The following DPYS variants were observed in gnomAD, a reference collection of about 807,000 sequenced individuals.
DPYS encodes the protein dihydropyrimidinase.
A neutral mutation model predicts 50.3 loss-of-function variants in DPYS; 39 were observed. That is an observed-to-expected ratio of 0.78 (90% CI 0.60 to 1.01). The LOEUF is 1.01. Among genes scored for constraint, DPYS ranks in the 50% least tolerant of loss-of-function variants. The pLI is 0.00. For missense variants in DPYS, 659 were observed against 680.9 expected (o/e 0.97, Z 0.36); for synonymous variants, 245 against 250.7 (o/e 0.98, Z 0.22).
rs563781627 is a variant in DPYS at position 104,443,740 on chromosome 8, A to T, written c.793+508T>A. Among the ~76,000 whole-genome samples, 12 of 152,290 alleles carry T rather than the reference A, an allele frequency of 7.9e-5. No homozygotes were observed. In the South Asian group the frequency reaches 2.5e-3, roughly 32 times the overall value. On this transcript the variant is annotated intron_variant, in intron 4 of 9. Transcript: ENST00000351513. The stretch of plus-strand genomic sequence containing the variant: ...AAACCCCGTCTCTACTAAAAATATA[A>T]AATTTAGCTGGGTGTGGTGGTGCTC...
chr8:104,449,710 T>C lies in DPYS; in HGVS notation c.423+1536A>G, dbSNP rs578010923. On this transcript the variant is annotated intron_variant, in intron 2 of 9. Transcript: ENST00000351513. Reference sequence around the variant, plus strand: ...CCACGGGGAGAACATCATATGAAGATGAAGGCAGAGATTGGGATGATGCTT... The same window carrying C: ...CCACGGGGAGAACATCATATGAAGACGAAGGCAGAGATTGGGATGATGCTT... Among the ~76,000 whole-genome samples the C allele has an allele frequency of 5.9e-5, 9 of 152,342 alleles. 1 individual carries two copies. The East Asian group carries it at 1.7e-3, about 29-fold the overall frequency.
intron 8 of DPYS, among the ~76,000 whole-genome samples, chr8:104,384,950 C>A (rs1042471901): frequency 6.6e-6 from 1 of 152,206 alleles, no homozygotes; most frequent in Non-Finnish European, 1.5e-5. Flanking sequence ...TTCTCCTCCA[C>A]CTCTGAAGGT....
intron 8 of DPYS, 25 bp from the exon 9 acceptor site, chr8:104,381,339 T>A (rs910743822): frequency 6.2e-7 from 1 of 1,605,678 alleles, no homozygotes; most frequent in African/African-American, 1.3e-5. Context: ...TTCATTTCTC[T>A]CTTGTGGTTT....
intron 2 of DPYS, among the ~76,000 whole-genome samples, chr8:104,449,182 TAACA>T (rs949814307): frequency 1.3e-5 from 2 of 152,172 alleles, no homozygotes; most frequent in African/African-American, 2.4e-5. Context: ...TTGTTCCCCC[TAACA>T]GTTTCTAATT....
At chr8:104,409,742 GC>G (rs1338193958) in intron 7 of DPYS, among the ~76,000 whole-genome samples, 4 of 152,046 alleles carry the variant, frequency 2.6e-5, no homozygotes, top group Non-Finnish European at 5.9e-5. Context: ...TCTACTATAT[GC>G]CAGGCACCAT....
At chr8:104,450,800 T>C (rs1329616868) in intron 2 of DPYS, among the ~76,000 whole-genome samples, 2 of 152,362 alleles carry the variant, frequency 1.3e-5, no homozygotes, top group African/African-American at 4.8e-5. Flanking sequence ...GGCAGGCTTC[T>C]AGTTCTAGAG....
intron 7 of DPYS, among the ~76,000 whole-genome samples, chr8:104,408,561 C>T (rs1054878591): frequency 5.3e-5 from 8 of 151,974 alleles, no homozygotes; most frequent in Non-Finnish European, 1.0e-4. Context: ...AAGATTGTAC[C>T]CTTTGAAACA....
chr8:104,443,388 A>G (rs1049496920), intron 4 of DPYS, among the ~76,000 whole-genome samples: 2 of 152,220 alleles, frequency 1.3e-5, no homozygotes, highest in Non-Finnish European at 2.9e-5. Flanking sequence ...TGGGGTAAAA[A>G]TAACTTAGAT....
At chr8:104,383,791 G>A (rs1244444990) in intron 8 of DPYS, among the ~76,000 whole-genome samples, 1 of 152,052 alleles carries the variant, frequency 6.6e-6, no homozygotes, top group Non-Finnish European at 1.5e-5. Context: ...TAGTAGAGAC[G>A]GGATTTCGCC....
At chr8:104,428,762 T>C (rs1317432957) in intron 5 of DPYS, among the ~76,000 whole-genome samples, 1 of 152,202 alleles carries the variant, frequency 6.6e-6, no homozygotes, top group Non-Finnish European at 1.5e-5. Flanking sequence ...TGAAAAACTC[T>C]TAGCTTGAGA....
intron 7 of DPYS, among the ~76,000 whole-genome samples, chr8:104,394,120 G>A (rs1811497365): frequency 6.6e-6 from 1 of 152,180 alleles, no homozygotes; most frequent in African/African-American, 2.4e-5. Context: ...TCTGGTAGAA[G>A]GTTCTACAAT....
At chr8:104,414,183 T>A (rs960278493) in intron 7 of DPYS, among the ~76,000 whole-genome samples, 8 of 152,140 alleles carry the variant, frequency 5.3e-5, no homozygotes, top group Non-Finnish European at 1.0e-4. Context: ...AAAAGGACTG[T>A]TTGGTTAGGT....
At chr8:104,424,476 C>A in intron 6 of DPYS, 87 bp from the exon 7 acceptor site, 1 of 1,376,048 alleles carries the variant, frequency 7.3e-7, no homozygotes, top group East Asian at 2.4e-5. Flanking sequence ...ATCTCTTAAA[C>A]AAACAGAACT....
intron 7 of DPYS, among the ~76,000 whole-genome samples, chr8:104,405,647 G>A (rs1588415156): frequency 1.3e-5 from 2 of 152,344 alleles, no homozygotes; most frequent in African/African-American, 4.8e-5. Context: ...AATCTAAAAG[G>A]TGTCTGCTTC....
At chr8:104,394,014 T>C (rs1811493793) in intron 7 of DPYS, among the ~76,000 whole-genome samples, 1 of 152,220 alleles carries the variant, frequency 6.6e-6, no homozygotes, top group Non-Finnish European at 1.5e-5. Context: ...TGCCTTTGCA[T>C]CCTCATAGCT....
At chr8:104,410,250 CCTCCGGCCAGA>C (rs1812130021) in intron 7 of DPYS, among the ~76,000 whole-genome samples, 1 of 152,200 alleles carries the variant, frequency 6.6e-6, no homozygotes, top group East Asian at 1.9e-4. Context: ...TGACTTATCC[CCTCCGGCCAGA>C]CTCCTACAAT....
chr8:104,455,752 C>T lies in DPYS; in HGVS notation c.265-4348G>A, dbSNP rs1242341594. Among the ~76,000 whole-genome samples, 4 of 152,188 alleles carry T rather than the reference C, an allele frequency of 2.6e-5. No homozygotes were observed. In the South Asian group the frequency reaches 6.3e-4, roughly 24 times the overall value. ...TAACATGCTTCGGAACATACCAACACTCTGCACGAACACAAAACCACACTG... is the reference window on the plus strand; with the variant it reads ...TAACATGCTTCGGAACATACCAACATTCTGCACGAACACAAAACCACACTG... On this transcript the variant is annotated intron_variant, in intron 1 of 9. Coordinates refer to ENST00000351513, the MANE Select transcript of DPYS (RefSeq NM_001385.3).
At position 104,444,291 on chromosome 8, in the gene DPYS, C is replaced by G. The variant is rs751371011; in HGVS notation, c.750G>C (p.Met250Ile). 2.5e-6 allele frequency: 4 copies of G among 1,614,234 alleles called. No homozygotes were observed. Among genetic ancestry groups the G allele is most frequent in the Non-Finnish European group, 3.4e-6 (4 of 1,180,054 alleles). Residue 250 changes from methionine (M) to isoleucine (I), a missense_variant, in exon 4 of 10, where the codon ATG (methionine) becomes ATC (isoleucine). Physicochemically the swap from Met to Ile is conservative, Grantham distance 10. Transcript: ENST00000351513. ...VNCPLYIVHV[M>I]SKSAAKVIAD... Reference sequence around the variant, plus strand: ...CTATCACCTTAGCTGCAGACTTGCTCATCACATGCACAATGTAGAGAGGAC... The same window carrying G: ...CTATCACCTTAGCTGCAGACTTGCTGATCACATGCACAATGTAGAGAGGAC...
In DPYS at chr8:104,438,703, GATA is replaced by G. The variant is rs1813237495; in HGVS notation, c.793+5542_793+5544del. ...ATTAGAGTTACAGAGTCTGTGTAAAGATAATAATACAGCTGGTAGACATCTGGA... is the reference window on the plus strand; with the variant it reads ...ATTAGAGTTACAGAGTCTGTGTAAAGATAATACAGCTGGTAGACATCTGGA... On this transcript the variant is annotated intron_variant, in intron 4 of 9. Transcript: ENST00000351513. 2.0e-5 allele frequency among the ~76,000 whole-genome samples: 3 copies of G among 152,178 alleles called. No homozygotes were observed. The East Asian group carries it at 5.8e-4, about 29-fold the overall frequency.
Sources: gnomAD v4.1 joint callset for allele counts (sites outside exome capture counted in the v4.1 genomes callset) on GRCh38, gnomAD v4.1.1 for gene constraint, MANE v1.5 for transcripts, NCBI Gene and HGNC (gene_info 2026-07-23, HGNC 2026-07-21) for gene names.